The following FARS2 variants were observed in gnomAD, a reference collection of about 807,000 sequenced individuals.
FARS2 encodes the protein phenylalanine--tRNA ligase, mitochondrial.
FARS2 carries 40 observed loss-of-function variants against 46.4 expected under a neutral mutation model. The observed-to-expected ratio is 0.86, with a 90% CI of 0.67 to 1.12. The LOEUF (loss-of-function observed/expected upper bound fraction) is 1.12, where lower values mean the gene tolerates loss of function less well. FARS2 is among the 50% of genes most tolerant of loss of function. The pLI is 0.00. For missense variants in FARS2, 513 were observed against 567.9 expected, an observed-to-expected ratio of 0.90 and a Z score of 0.98; for synonymous variants, 234 against 214.9, an observed-to-expected ratio of 1.09 and a Z score of -0.78.
chr6:5,695,716 G>C (rs1399602802), intron 6 of FARS2, among the ~76,000 whole-genome samples: 1 of 152,106 alleles, frequency 6.6e-6, no homozygotes, highest in Non-Finnish European at 1.5e-5. Flanking sequence ...TCCTTTCTTG[G>C]AAAAGTAAAC....
intron 1 of FARS2, among the ~76,000 whole-genome samples, chr6:5,303,410 T>G (rs1330670029): frequency 1.3e-5 from 2 of 152,152 alleles, no homozygotes; most frequent in African/African-American, 4.8e-5. Flanking sequence ...AAGCTGCACG[T>G]GGGGCTAAAT....
intron 2 of FARS2, among the ~76,000 whole-genome samples, chr6:5,370,842 A>G (rs1397566885): frequency 6.6e-6 from 1 of 152,202 alleles, no homozygotes; most frequent in Non-Finnish European, 1.5e-5. Flanking sequence ...TGATGCTACT[A>G]TATATTCTGC....
the FARS2 span, among the ~76,000 whole-genome samples, chr6:5,251,565 C>T: frequency 0.29 from 43,596 of 151,958 alleles, 7,892 homozygotes; most frequent in African/African-American, 0.51. Context: ...TTAAAACAAC[C>T]GGATCTCATG....
At chr6:5,280,942 C>G (rs1183752938) in intron 1 of FARS2, among the ~76,000 whole-genome samples, 1 of 152,004 alleles carries the variant, frequency 6.6e-6, no homozygotes, top group East Asian at 1.9e-4. Context: ...TATTTTCCTT[C>G]CATTTTTAAT....
chr6:5,374,810 A>T (rs1376314963), intron 2 of FARS2, among the ~76,000 whole-genome samples: 2 of 152,140 alleles, frequency 1.3e-5, no homozygotes, highest in Non-Finnish European at 2.9e-5. Context: ...GAGAAAAAGC[A>T]TGTGATCATC....
chr6:5,346,674 G>A lies in FARS2; in HGVS notation c.-21-21876G>A, dbSNP rs114269861. Among the ~76,000 whole-genome samples, 598 of 152,102 alleles carry A rather than the reference G, an allele frequency of 3.9e-3. 6 individuals carry two copies. Among genetic ancestry groups the A allele is most frequent in the African/African-American group, 0.014 (571 of 41,516 alleles). On this transcript the variant is annotated intron_variant, in intron 1 of 6. Transcript: ENST00000274680. Reference sequence around the variant, plus strand: ...TTAACCTTCGTATAGCCGCCACCTCGATTCTACGATTTACATATTACTGTA... The same window carrying A: ...TTAACCTTCGTATAGCCGCCACCTCAATTCTACGATTTACATATTACTGTA...
At chr6:5,301,647 G>T (rs1445092373) in intron 1 of FARS2, among the ~76,000 whole-genome samples, 1 of 152,120 alleles carries the variant, frequency 6.6e-6, no homozygotes, top group African/African-American at 2.4e-5. Flanking sequence ...AGTTTGCATT[G>T]TCTCCATGCA....
intron 4 of FARS2, among the ~76,000 whole-genome samples, chr6:5,432,352 T>TATA (rs1562036605): frequency 9.3e-5 from 2 of 21,602 alleles, no homozygotes; most frequent in African/African-American, 2.2e-4. Context: ...ATATATATAT[T>TATA]ATATATATAT....
chr6:5,647,855 G>A (rs1777155426), intron 6 of FARS2, among the ~76,000 whole-genome samples: 6 of 152,150 alleles, frequency 3.9e-5, no homozygotes, highest in Admixed American at 3.3e-4. Context: ...CCTGTAATTA[G>A]CACGTAACCC....
chr6:5,709,706 A>G (rs542025010), intron 6 of FARS2, among the ~76,000 whole-genome samples: 6,939 of 27,756 alleles, frequency 0.25, 600 homozygotes, highest in African/African-American at 0.41. Context: ...GTGCGCATGC[A>G]CGTGCATGTT....
intron 6 of FARS2, among the ~76,000 whole-genome samples, chr6:5,668,289 A>G (rs141045923): frequency 1.3e-5 from 2 of 152,358 alleles, no homozygotes; most frequent in Non-Finnish European, 2.9e-5. Flanking sequence ...AAGCAGCCAC[A>G]TGAGCAAATA....
intron 2 of FARS2, among the ~76,000 whole-genome samples, chr6:5,387,520 T>A (rs996600460): frequency 7.9e-5 from 12 of 152,222 alleles, no homozygotes; most frequent in African/African-American, 2.7e-4. Flanking sequence ...GGGATAGACA[T>A]TTTAACAAGT....
At chr6:5,272,284 A>G (rs1038426816) in intron 1 of FARS2, 5 of 152,088 alleles carry the variant, frequency 3.3e-5, no homozygotes, top group African/African-American at 1.2e-4. Context: ...TCTTTTTCAT[A>G]ACTTTTATTA....
intron 1 of FARS2, among the ~76,000 whole-genome samples, chr6:5,263,320 C>A (rs951734862): frequency 3.3e-5 from 5 of 152,200 alleles, no homozygotes; most frequent in Non-Finnish European, 7.3e-5. Context: ...GCTTAGTCCT[C>A]TGTTAGTACG....
intron 4 of FARS2, among the ~76,000 whole-genome samples, chr6:5,517,995 G>A (rs1768914126): frequency 6.6e-6 from 1 of 152,234 alleles, no homozygotes; most frequent in South Asian, 2.1e-4. Context: ...GGCATGGAAA[G>A]TCTTGGGTGC....
At chr6:5,530,840 A>C (rs1194783698) in intron 4 of FARS2, among the ~76,000 whole-genome samples, 1 of 147,590 alleles carries the variant, frequency 6.8e-6, no homozygotes, top group Non-Finnish European at 1.5e-5. Flanking sequence ...ATATTTATAA[A>C]TATATCAATA....
At chr6:5,673,046 C>T (rs1778560979) in intron 6 of FARS2, among the ~76,000 whole-genome samples, 1 of 152,176 alleles carries the variant, frequency 6.6e-6, no homozygotes, top group African/African-American at 2.4e-5. Flanking sequence ...TGCAGTTTAG[C>T]ATCAAGTCAG....
intron 4 of FARS2, among the ~76,000 whole-genome samples, chr6:5,501,581 C>T (rs1767803048): frequency 6.6e-6 from 1 of 152,146 alleles, no homozygotes; most frequent in Admixed American, 6.5e-5. Context: ...ACTGCAACCT[C>T]CACCTCCCGG....
chr6:5,707,144 C>T (rs941851852), intron 6 of FARS2, among the ~76,000 whole-genome samples: 6 of 152,202 alleles, frequency 3.9e-5, no homozygotes, highest in East Asian at 3.9e-4. Context: ...CCATATTTGC[C>T]GAAAGGAATG....
Sources: allele counts gnomAD v4.1 joint callset (sites outside exome capture counted in the v4.1 genomes callset), GRCh38; gene constraint gnomAD v4.1.1; transcripts MANE v1.5; gene names NCBI Gene and HGNC (gene_info 2026-07-23, HGNC 2026-07-21).